The following DNAH1 variants were observed in gnomAD, a reference collection of about 807,000 sequenced individuals.
DNAH1 encodes axonemal beta dynein heavy chain 1.
Under a neutral mutation model 484.3 loss-of-function variants are expected in DNAH1, and 327 were observed. The ratio of observed to expected loss-of-function variants is 0.68; its 90% CI spans 0.62 to 0.74. DNAH1 has a LOEUF of 0.74. DNAH1 is among the 30% of genes least tolerant of loss of function. The probability of loss-of-function intolerance (pLI) is 0.00; values close to 1 mark genes in which losing one functional copy is unlikely to be tolerated. For synonymous variants in DNAH1, 2,192 were observed against 2,191.9 expected (o/e 1.00, Z 0.00); for missense variants, 5,052 against 5,546.8 (o/e 0.91, Z 2.83).
rs1352036243 is a variant in DNAH1, at chr3:52,354,869, G to A, written c.3507G>A (p.Trp1169Ter). Reference sequence around the variant, plus strand: ...CACTGGACAAGATGGAGAAGGAGTGGTCGACCATCCTGTTCAATGTACTGC... The same window carrying A: ...CACTGGACAAGATGGAGAAGGAGTGATCGACCATCCTGTTCAATGTACTGC... ...EQALDKMEKEWSTILFNVLPY... is the reference protein window; with the variant it reads ...EQALDKMEKE Residue 1169 changes from tryptophan to a stop codon, truncating the protein, a stop_gained, in exon 21 of 78, where the codon TGG (tryptophan) becomes TGA (stop). Transcript: ENST00000420323. LOFTEE classifies it high-confidence loss of function. 6.2e-7 allele frequency: 1 copy of A among 1,613,714 alleles called. No homozygotes were observed. The highest frequency in any genetic ancestry group is 1.3e-5 in the African/African-American group (1 of 74,892).
At position 52,392,482 on chromosome 3, in the gene DNAH1, A is replaced by G. The variant is rs554676148; in HGVS notation, c.10071A>G (p.Leu3357=). The change falls in exon 64 of 78, where the codon CTA becomes CTG. Residue 3357 remains leucine (L), a synonymous_variant. Transcript: ENST00000420323. The stretch of plus-strand genomic sequence containing the variant: ...CCGGCAGTGGCCTAGAGGACCAGCT[A>G]CTGGGCCAGGTAGTGGCAGAGGAGC... ...TLSPSGLEDQ[L]LGQVVAEERP... The G allele has an allele frequency of 1.7e-5, 28 of 1,613,672 alleles. 1 individual carries two copies. The Middle Eastern group carries it at 8.5e-4, about 49-fold the overall frequency.
chr3:52,358,457 T>G lies in DNAH1; in HGVS notation c.4087-101T>G. 4 of 1,269,732 alleles carry G rather than the reference T, an allele frequency of 3.2e-6. No homozygotes were observed. The highest frequency in any genetic ancestry group is 4.3e-6 in the Non-Finnish European group (4 of 936,218). The allele number at this position is 1,269,732 out of a possible 1,614,324, so 78.7% of individuals were successfully genotyped here. A position where few individuals can be genotyped will look rare whatever the true frequency, so the allele number is the denominator to read the frequency against. On this transcript the variant is annotated intron_variant, in intron 24 of 77. Transcript: ENST00000420323. The surrounding 1 kb of genome is among the most constrained non-coding windows in gnomAD (Gnocchi z 4.2). Reference sequence around the variant, plus strand: ...GGACGGGAAGGCAGGGCTTTCTTCTTGAGGTGGAGGGCACCGGGCAGGCTT... The same window carrying G: ...GGACGGGAAGGCAGGGCTTTCTTCTGGAGGTGGAGGGCACCGGGCAGGCTT...
intron 41 of DNAH1, among the ~76,000 whole-genome samples, chr3:52,371,077 C>G (rs1224693438): frequency 6.6e-6 from 1 of 152,246 alleles, no homozygotes; most frequent in Non-Finnish European, 1.5e-5. Context: ...GAGTACCTCC[C>G]TTTCCAGCCA....
Position 52,346,609 on chromosome 3 carries a change from GCTGATGGAGC to G in DNAH1, c.1795_1804del (p.Leu599TrpfsTer2). On this transcript the variant is annotated frameshift_variant, in exon 11 of 78. Transcript: ENST00000420323. LOFTEE classifies it high-confidence loss of function. ...TGTACCTCATGTCCAAGCTGCGCAA[GCTGATGGAGC>G]TGGTGAAGTACATGCTGCAGGACAC... 6.2e-7 allele frequency: 1 copy of G among 1,614,082 alleles called. No individual in the cohort carries two copies. The highest frequency in any genetic ancestry group is 8.5e-7 in the Non-Finnish European group (1 of 1,179,898).
At chr3:52,322,892 T>C in intron 2 of DNAH1, 117 bp downstream of exon 2, 1 of 931,474 alleles carries the variant, frequency 1.1e-6, no homozygotes, top group Admixed American at 2.4e-5. Flanking sequence ...TGTCTATCGA[T>C]CTATCCATCT....
chr3:52,386,062 T>C, intron 54 of DNAH1, 98 bp from the exon 55 acceptor site: 1 of 1,383,778 alleles, frequency 7.2e-7, no homozygotes, highest in Admixed American at 2.6e-5. Context: ...TGGAGGGCCC[T>C]TGGAGAACAG....
chr3:52,369,941 G>T lies in DNAH1; in HGVS notation c.6060G>T (p.Glu2020Asp), dbSNP rs1216982043. 6.2e-7 allele frequency: 1 copy of T among 1,613,896 alleles called. No homozygotes were observed. The highest frequency in any genetic ancestry group is 2.2e-5 in the East Asian group (1 of 44,904). ...PSILGLMPFI[E>D]CWLRKLPPLL... is the part of the protein sequence containing the mutation. ...TCCTGGGGCTCATGCCCTTCATCGA[G>T]TGCTGGCTGAGGAAGCTGCCTCCCT... Residue 2020 changes from glutamate to aspartate, a missense_variant, in exon 38 of 78, where the codon GAG (glutamate) becomes GAT (aspartate). Physicochemically the swap from Glu to Asp is conservative, Grantham distance 45. Coordinates refer to ENST00000420323, the MANE Select transcript of DNAH1 (RefSeq NM_015512.5).
chr3:52,350,726 G>C lies in DNAH1; in HGVS notation c.2729+136G>C, dbSNP rs541004995. 227 of 862,208 alleles carry C rather than the reference G, an allele frequency of 2.6e-4. 2 individuals are homozygous for C. In the South Asian group the frequency reaches 3.4e-3, roughly 13 times the overall value. 53.4% of individuals were successfully genotyped at this position (862,208 alleles called of 1,614,324 possible). Reference sequence around the variant, plus strand: ...AGAAACACCCCACTGAGATTTCAGAGGCCAGGGCTCCACACATGGGCCGGG... The same window carrying C: ...AGAAACACCCCACTGAGATTTCAGACGCCAGGGCTCCACACATGGGCCGGG... On this transcript the variant is annotated intron_variant, in intron 16 of 77. Coordinates refer to ENST00000420323, the MANE Select transcript of DNAH1 (RefSeq NM_015512.5).
Position 52,348,906 on chromosome 3 carries a change from T to A in DNAH1, c.2125T>A (p.Phe709Ile). 1.2e-6 allele frequency: 2 copies of A among 1,613,072 alleles called. No homozygotes were observed. The highest frequency in any genetic ancestry group is 1.7e-6 in the Non-Finnish European group (2 of 1,179,820). ...TCTGCAGCTGGTGATGGAGGACATC[T>A]TCATCAGCGGTGACCCCCTGCTGGA... ...QLEKLVMEDI[F>I]ISGDPLLESV... The change falls in exon 13 of 78, where the codon TTC becomes ATC. Residue 709 changes from phenylalanine to isoleucine, a missense_variant. Phe to Ile is a conservative substitution (Grantham distance 21, BLOSUM62 0). Transcript: ENST00000420323.
intron 6 of DNAH1, 92 bp from the exon 7 acceptor site, chr3:52,331,056 G>A (rs1701525111): frequency 6.9e-7 from 1 of 1,439,996 alleles, no homozygotes; most frequent in South Asian, 1.4e-5. Context: ...GGTGATCTCT[G>A]AGACCCATTC....
chr3:52,326,023 T>G (rs1701324317), intron 3 of DNAH1, 117 bp from the exon 4 acceptor site: 11 of 1,070,860 alleles, frequency 1.0e-5, no homozygotes, highest in Non-Finnish European at 1.1e-5. Flanking sequence ...AGGCAAGCTT[T>G]GAGCTTCCCA....
rs370017937 is a variant in DNAH1, at chr3:52,394,644, C to A, written c.10806C>A (p.Asp3602Glu). 6.3e-7 allele frequency: 1 copy of A among 1,576,708 alleles called. No homozygotes were observed. Among genetic ancestry groups the A allele is most frequent in the Non-Finnish European group, 8.6e-7 (1 of 1,158,294 alleles). The change falls in exon 67 of 78, where the codon GAC becomes GAA. Residue 3602 changes from aspartate to glutamate, a missense_variant. Transcript: ENST00000420323. ...TCTCAGAATTCCGGGTCATCTTCGA[C>A]AGCCTTGAGCCCCACCGGTTAGCTG... ...KHLSEFRVIFDSLEPHREPLP... is the reference protein window; with the variant it reads ...KHLSEFRVIFESLEPHREPLP...
chr3:52,358,744 C>T lies in DNAH1; in HGVS notation c.4266+7C>T, dbSNP rs769841245. 2.2e-5 allele frequency: 35 copies of T among 1,611,352 alleles called. No homozygotes were observed. In the South Asian group the frequency reaches 2.2e-4, roughly 10 times the overall value. ...CATCAGGGCCTACCCCACGGTGAGC[C>T]GCCCGCAGCCCGTGCAGCCTTCCAC... is the stretch of plus-strand genomic sequence containing the variant. On this transcript the variant is annotated splice_region_variant and intron_variant, in intron 25 of 77. Transcript: ENST00000420323. This position sits in a 1 kb window ranked among gnomAD's most constrained non-coding sequence, Gnocchi z 4.2.
chr3:52,391,424 C>T lies in DNAH1; in HGVS notation c.9892-19C>T. The T allele has an allele frequency of 3.1e-6, 5 of 1,602,732 alleles. No individual in the cohort carries two copies. Among genetic ancestry groups the T allele is most frequent in the Non-Finnish European group, 4.3e-6 (5 of 1,174,832 alleles). Reference sequence around the variant, plus strand: ...GGTGATGCTCAGGCCACAGTACCCACCGGTCCCACCCACCACAGACGTACA... The same window carrying T: ...GGTGATGCTCAGGCCACAGTACCCATCGGTCCCACCCACCACAGACGTACA... On this transcript the variant is annotated intron_variant, in intron 62 of 77. Transcript: ENST00000420323.
At chr3:52,385,090 C>T (rs145738260) in intron 53 of DNAH1, 113 bp downstream of exon 53, 46 of 1,310,816 alleles carry the variant, frequency 3.5e-5, no homozygotes, top group Admixed American at 1.0e-4. Flanking sequence ...CAGCCCACGA[C>T]GTTGAAGTGG....
intron 22 of DNAH1, among the ~76,000 whole-genome samples, 181 bp downstream of exon 22, chr3:52,356,959 C>T (rs1702634367): frequency 6.6e-6 from 1 of 151,920 alleles, no homozygotes; most frequent in Non-Finnish European, 1.5e-5. Flanking sequence ...TCCTTAGAGG[C>T]ACAGTCACTG....
At chr3:52,329,779 C>T (rs575755198) in intron 6 of DNAH1, among the ~76,000 whole-genome samples, 2 of 151,250 alleles carry the variant, frequency 1.3e-5, no homozygotes, top group South Asian at 2.1e-4. Flanking sequence ...GAGTGGAGCT[C>T]GCGCCATTGC....
chr3:52,366,698 C>G (rs1395476136), intron 35 of DNAH1, 35 bp from the exon 36 acceptor site: 2 of 1,591,988 alleles, frequency 1.3e-6, no homozygotes, highest in Non-Finnish European at 1.7e-6. Context: ...GCCCTGCTCT[C>G]TGGGAGCCTC....
At chr3:52,375,928 C>T in intron 45 of DNAH1, 27 bp from the exon 46 acceptor site, 1 of 1,611,376 alleles carries the variant, frequency 6.2e-7, no homozygotes, top group African/African-American at 1.3e-5. Flanking sequence ...TAACCCTGAG[C>T]CCCGTGTTTC....
Sources: allele counts gnomAD v4.1 joint callset (sites outside exome capture counted in the v4.1 genomes callset), GRCh38; gene constraint gnomAD v4.1.1; non-coding constraint Gnocchi (gnomAD v3.1); transcripts MANE v1.5; gene names NCBI Gene and HGNC (gene_info 2026-07-23, HGNC 2026-07-21).